Variants in TKTL1 observed in about 807,000 individuals in gnomAD.
The protein encoded by TKTL1 is transketolase-like protein 1.
Under a neutral mutation model 39.3 loss-of-function variants are expected in TKTL1, and 1 was observed. That is an observed-to-expected ratio of 0.03 (90% CI 0.01 to 0.12). TKTL1 has a LOEUF of 0.12. TKTL1 is among the 10% of genes least tolerant of loss of function. The probability of loss-of-function intolerance (pLI) is 1.00; values close to 1 mark genes in which losing one functional copy is unlikely to be tolerated. For missense variants in TKTL1, 575 were observed against 509.6 expected (o/e 1.13, Z -1.24); for synonymous variants, 262 against 193.8 (o/e 1.35, Z -2.92).
chrX:154,309,078 C>A (rs1249620587), intron 2 of TKTL1, among the ~76,000 whole-genome samples: 2 of 111,353 alleles, frequency 1.8e-5, no homozygotes, highest in African/African-American at 6.5e-5. Context: ...TGGGCAGGGA[C>A]AGTGGATGTC....
At chrX:154,303,146 A>G (rs2067286682) in intron 1 of TKTL1, among the ~76,000 whole-genome samples, 1 of 107,434 alleles carries the variant, frequency 9.3e-6, no homozygotes, top group Non-Finnish European at 1.9e-5. Flanking sequence ...TACTTATTAG[A>G]CCCTACCTCT....
At chrX:154,322,472 C>T (rs1250103333) in intron 8 of TKTL1, among the ~76,000 whole-genome samples, 5 of 110,965 alleles carry the variant, frequency 4.5e-5, no homozygotes, top group Admixed American at 9.6e-5. Context: ...GTAGAGGCTG[C>T]GGTGAGCCAA....
intron 1 of TKTL1, among the ~76,000 whole-genome samples, chrX:154,299,930 C>T (rs180874045): frequency 9.0e-6 from 1 of 110,776 alleles, no homozygotes; most frequent in African/African-American, 3.3e-5. Flanking sequence ...CATATAATGA[C>T]TTTTTTTCCT....
Position 154,309,812 on chromosome X carries a change from G to A in TKTL1, c.350+370G>A, listed in dbSNP as rs782577657. ...TGCAGTGGCATGATCTCGGCTCACTGCAACCTCTGCCTCCCAGTTTCAAGT... is the reference window on the plus strand; with the variant it reads ...TGCAGTGGCATGATCTCGGCTCACTACAACCTCTGCCTCCCAGTTTCAAGT... On this transcript the variant is annotated intron_variant, in intron 3 of 12. Coordinates refer to ENST00000369915, the MANE Select transcript of TKTL1 (RefSeq NM_012253.4). 2.2e-4 allele frequency among the ~76,000 whole-genome samples: 24 copies of A among 111,348 alleles called. No homozygotes were observed. The East Asian group carries it at 6.9e-3, about 32-fold the overall frequency.
At chrX:154,305,480 CA>C (rs1402341397) in intron 2 of TKTL1, 59 bp downstream of exon 2, 1 of 1,162,583 alleles carries the variant, frequency 8.6e-7, no homozygotes, top group Non-Finnish European at 1.2e-6. Context: ...CCAGTTTGAA[CA>C]GCCACCGTGT....
chrX:154,300,963 G>A (rs1482628690), intron 1 of TKTL1, among the ~76,000 whole-genome samples: 4 of 109,723 alleles, frequency 3.6e-5, no homozygotes, highest in Non-Finnish European at 7.6e-5. Flanking sequence ...CCAAAGTGCT[G>A]GAATTACAGA....
chrX:154,300,006 T>C (rs782216974), intron 1 of TKTL1, among the ~76,000 whole-genome samples: 144 of 104,041 alleles, frequency 1.4e-3, no homozygotes, highest in African/African-American at 5.3e-3. Flanking sequence ...CTACTACTTT[T>C]AGTATTTTTT....
At chrX:154,311,601 G>A (rs2067358226) in intron 5 of TKTL1, among the ~76,000 whole-genome samples, 1 of 110,978 alleles carries the variant, frequency 9.0e-6, no homozygotes, top group African/African-American at 3.3e-5. Context: ...CACGTGCCTA[G>A]GCCCACACTC....
chrX:154,300,536 T>C lies in TKTL1; in HGVS notation c.134+4543T>C, dbSNP rs1319559671. 8.0e-5 allele frequency among the ~76,000 whole-genome samples: 9 copies of C among 112,262 alleles called. No homozygotes were observed. In the South Asian group the frequency reaches 2.9e-3, roughly 36 times the overall value. ...GGTTTTATTTGTTGTTTTTGCTGTT[T>C]ACAGCTGTTGTAAAAGGGATTGAGT... On this transcript the variant is annotated intron_variant, in intron 1 of 12. Transcript: ENST00000369915.
Position 154,295,798 on chromosome X carries a change from A to C in TKTL1, c.-62A>C. The C allele has an allele frequency of 8.5e-7, 1 of 1,179,058 alleles. No individual in the cohort carries two copies. Among genetic ancestry groups the C allele is most frequent in the Non-Finnish European group, 1.1e-6 (1 of 875,424 alleles). ...ACGCACTGGGCAGCTCGCAGGCGCC[A>C]TTCGCTCTTCAGACGCCGGAGACGT... On this transcript the variant is annotated 5_prime_UTR_variant, in exon 1 of 13. Transcript: ENST00000369915.
At chrX:154,322,122 A>C (rs1320181467) in intron 8 of TKTL1, among the ~76,000 whole-genome samples, 1 of 106,801 alleles carries the variant, frequency 9.4e-6, no homozygotes, top group Admixed American at 1.0e-4. Flanking sequence ...TATTCCAGCT[A>C]CTCAGGACGC....
Position 154,295,822 on chromosome X carries a change from G to A in TKTL1, c.-38G>A, listed in dbSNP as rs199897719. 1.2e-4 allele frequency: 149 copies of A among 1,196,718 alleles called. No homozygotes were observed. The African/African-American group carries it at 2.0e-3, about 16-fold the overall frequency. ...CATTCGCTCTTCAGACGCCGGAGAC[G>A]TAGGAGTGGGTCTTCAGACTCCAAA... On this transcript the variant is annotated 5_prime_UTR_variant, in exon 1 of 13. Coordinates refer to ENST00000369915, the MANE Select transcript of TKTL1 (RefSeq NM_012253.4).
intron 1 of TKTL1, chrX:154,304,796 G>T: frequency 1.9e-5 from 5 of 260,902 alleles, no homozygotes; most frequent in Non-Finnish European, 3.7e-5. Context: ...ATTAATTAGG[G>T]CCTGGCTGGA....
rs1557169071 is a variant in TKTL1 at position 154,315,110 on chromosome X, T to G, written c.865-63T>G. 3.7e-6 allele frequency: 4 copies of G among 1,086,510 alleles called. No individual in the cohort carries two copies. The East Asian group carries it at 9.1e-5, about 25-fold the overall frequency. The allele number at this position is 1,086,510 out of a possible 1,213,427, so 89.5% of individuals were successfully genotyped here. On this transcript the variant is annotated intron_variant, in intron 6 of 12. Coordinates refer to ENST00000369915, the MANE Select transcript of TKTL1 (RefSeq NM_012253.4). ...ATTCTACAATATGGTACCTTCCTTC[T>G]GTAGTCGTTCCTTCTAAATGCATTT...
chrX:154,305,268 C>T, intron 1 of TKTL1, 36 bp from the exon 2 acceptor site: 1 of 1,197,116 alleles, frequency 8.4e-7, no homozygotes, highest in Non-Finnish European at 1.1e-6. Context: ...AAGCCAGTTG[C>T]TGTGAGAAAT....
intron 8 of TKTL1, among the ~76,000 whole-genome samples, chrX:154,322,096 TG>T (rs1330702306): frequency 1.8e-5 from 2 of 108,855 alleles, no homozygotes; most frequent in African/African-American, 3.4e-5. Flanking sequence ...TAGCCAGGTG[TG>T]GTGGCACGCA....
intron 1 of TKTL1, among the ~76,000 whole-genome samples, chrX:154,303,175 A>G (rs1270521468): frequency 1.1e-5 from 1 of 92,688 alleles, no homozygotes; most frequent in Non-Finnish European, 2.1e-5. Context: ...ATTTTTTAAA[A>G]TTTTTATTTA....
chrX:154,327,201 G>A (rs782439606), intron 10 of TKTL1: 13 of 298,974 alleles, frequency 4.3e-5, no homozygotes, highest in Admixed American at 2.4e-4. Context: ...GAACGGTTGT[G>A]CCACTGAACA....
chrX:154,317,614 G>A (rs2067411640), intron 7 of TKTL1, among the ~76,000 whole-genome samples: 1 of 112,801 alleles, frequency 8.9e-6, no homozygotes, highest in African/African-American at 3.2e-5. Flanking sequence ...AACAGCCTGC[G>A]TTTTCCAAAA....
Sources: gnomAD v4.1 joint callset for allele counts (sites outside exome capture counted in the v4.1 genomes callset) on GRCh38, gnomAD v4.1.1 for gene constraint, MANE v1.5 for transcripts, NCBI Gene and HGNC (gene_info 2026-07-23, HGNC 2026-07-21) for gene names.